PDE2A: variants seen among roughly 807,000 people sequenced by gnomAD.
PDE2A encodes the protein phosphodiesterase 2A.
PDE2A carries 53 observed loss-of-function variants against 133.6 expected under a neutral mutation model. The observed-to-expected ratio is 0.40, with a 90% CI of 0.32 to 0.50. PDE2A has a LOEUF of 0.50. Among genes scored for constraint, PDE2A ranks in the 20% least tolerant of loss-of-function variants. The probability of loss-of-function intolerance (pLI) is 0.73; values close to 1 mark genes in which losing one functional copy is unlikely to be tolerated. For missense variants in PDE2A, 796 were observed against 1,232.4 expected, an observed-to-expected ratio of 0.65 and a Z score of 5.30; for synonymous variants, 491 against 490.2, an observed-to-expected ratio of 1.00 and a Z score of -0.02.
intron 19 of PDE2A, 83 bp downstream of exon 19, chr11:72,584,118 G>T: frequency 1.4e-6 from 1 of 736,346 alleles, no homozygotes. Flanking sequence ...CACAAGGAGA[G>T]TCAGTCGGAG....
intron 2 of PDE2A, chr11:72,630,977 C>A: frequency 1.1e-6 from 1 of 941,206 alleles, no homozygotes; most frequent in Non-Finnish European, 1.7e-6. Flanking sequence ...GTGACTCCAG[C>A]CTCCCCGTCC....
chr11:72,658,810 A>T, intron 1 of PDE2A, among the ~76,000 whole-genome samples: 1 of 151,942 alleles, frequency 6.6e-6, no homozygotes, highest in East Asian at 1.9e-4. Flanking sequence ...ACCAAACCTA[A>T]TCCCTGCCTT....
At chr11:72,640,964 G>C (rs1465763068) in intron 2 of PDE2A, among the ~76,000 whole-genome samples, 1 of 151,928 alleles carries the variant, frequency 6.6e-6, no homozygotes, top group Non-Finnish European at 1.5e-5. Flanking sequence ...TCCCACTCTC[G>C]ATGACACATT....
At chr11:72,639,781 A>T (rs1433454368) in intron 2 of PDE2A, among the ~76,000 whole-genome samples, 1 of 152,146 alleles carries the variant, frequency 6.6e-6, no homozygotes, top group Non-Finnish European at 1.5e-5. Context: ...GGCAAAGGGT[A>T]GGGGCAGCTG....
Position 72,582,666 on chromosome 11 carries a change from T to A in PDE2A, c.1729-100A>T, listed in dbSNP as rs1855776213. On this transcript the variant is annotated intron_variant, in intron 20 of 30. Coordinates refer to ENST00000334456, the MANE Select transcript of PDE2A (RefSeq NM_002599.5). The stretch of plus-strand genomic sequence containing the variant: ...CAGGTGGGGGATCCGTCACCCAGAA[T>A]GTACCACAGTTGGGCCACCACGCTG... The A allele has an allele frequency of 3.3e-6, 4 of 1,230,638 alleles. No individual in the cohort carries two copies. In the South Asian group the frequency reaches 5.8e-5, roughly 18 times the overall value. The allele number at this position is 1,230,638 out of a possible 1,614,324, so 76.2% of individuals were successfully genotyped here.
chr11:72,657,874 G>A, intron 1 of PDE2A: 1 of 456,102 alleles, frequency 2.2e-6, no homozygotes, highest in Non-Finnish European at 4.4e-6. Context: ...TGGTCCAACT[G>A]CAGAGGCAGC....
chr11:72,590,539 G>A lies in PDE2A; in HGVS notation c.591C>T (p.Arg197=), dbSNP rs773672091. 1.4e-6 allele frequency: 2 copies of A among 1,440,706 alleles called. No individual in the cohort carries two copies. Among genetic ancestry groups the A allele is most frequent in the South Asian group, 1.5e-5 (1 of 68,538 alleles). 89.2% of individuals were successfully genotyped at this position (1,440,706 alleles called of 1,614,324 possible). The change falls in exon 8 of 31, where the codon CGC becomes CGT. Residue 197 remains arginine, a synonymous_variant. Coordinates refer to ENST00000334456, the MANE Select transcript of PDE2A (RefSeq NM_002599.5). This position sits in a 1 kb window ranked among gnomAD's most constrained non-coding sequence, Gnocchi z 4.8. ...CGGCTCGGGGAGCCTCCCTGGGCCC[G>A]CGCTGCTGCAGGACCTGCACCCTCC... The part of the protein sequence containing the change: ...ALRRVQVLQQ[R]GPREAPRAVQ...
At position 72,578,896 on chromosome 11, in the gene PDE2A, C is replaced by T; in HGVS notation, c.2469+1G>A. 3 of 1,600,504 alleles carry T rather than the reference C, an allele frequency of 1.9e-6. No homozygotes were observed. The highest frequency in any genetic ancestry group is 2.6e-6 in the Non-Finnish European group (3 of 1,167,720). On this transcript the variant is annotated splice_donor_variant, in intron 28 of 30. Transcript: ENST00000334456. LOFTEE classifies it high-confidence loss of function. The surrounding 1 kb of genome is among the most constrained non-coding windows in gnomAD (Gnocchi z 4.2). ...GCCTTCCCAGGGAGGACTACACCTACCGCGATCTTTCTCGTAGTCTTCCAG... is the reference window on the plus strand; with the variant it reads ...GCCTTCCCAGGGAGGACTACACCTATCGCGATCTTTCTCGTAGTCTTCCAG...
intron 1 of PDE2A, among the ~76,000 whole-genome samples, chr11:72,648,072 G>A (rs188329458): frequency 9.9e-5 from 15 of 152,186 alleles, no homozygotes; most frequent in Non-Finnish European, 1.9e-4. Flanking sequence ...GTGCTTTCAC[G>A]TGTGAATGTG....
chr11:72,622,917 G>C (rs1040023035), intron 2 of PDE2A, among the ~76,000 whole-genome samples: 3 of 152,318 alleles, frequency 2.0e-5, no homozygotes, highest in African/African-American at 7.2e-5. Flanking sequence ...TAGGGGGCAA[G>C]AGAGGAAGAA....
chr11:72,658,724 C>A (rs1301091118), intron 1 of PDE2A, among the ~76,000 whole-genome samples: 7 of 152,164 alleles, frequency 4.6e-5, no homozygotes. Context: ...CGCAGTCACA[C>A]AACAAAGCAT....
chr11:72,588,894 C>A lies in PDE2A; in HGVS notation c.960G>T (p.Gln320His). The change falls in exon 13 of 31, where the codon CAG (glutamine) becomes CAT (histidine). Residue 320 changes from glutamine (Q) to histidine (H), a missense_variant. Coordinates refer to ENST00000334456, the MANE Select transcript of PDE2A (RefSeq NM_002599.5). ...CCTGCAGCTCACAGCCCAACATGCT[C>A]TGCAGCTGTTGTACATCCTCCTGCA... Reference protein sequence around the residue: ...DLTSEDVQQLQSMLGCELQAM... With the variant: ...DLTSEDVQQLHSMLGCELQAM... The A allele has an allele frequency of 6.2e-7, 1 of 1,607,282 alleles. No individual in the cohort carries two copies. Among genetic ancestry groups the A allele is most frequent in the Non-Finnish European group, 8.5e-7 (1 of 1,175,064 alleles).
intron 17 of PDE2A, 50 bp downstream of exon 17, chr11:72,584,822 C>T (rs1378523987): frequency 6.2e-7 from 1 of 1,608,832 alleles, no homozygotes; most frequent in African/African-American, 1.3e-5. Flanking sequence ...GCGCCGCCGG[C>T]GGACTCCCGG....
chr11:72,608,521 A>T (rs563438766), intron 3 of PDE2A, 141 bp downstream of exon 3: 43 of 587,286 alleles, frequency 7.3e-5, no homozygotes, highest in African/African-American at 5.9e-4. Flanking sequence ...ACCCATCCAG[A>T]CCCTTCACTT....
intron 1 of PDE2A, among the ~76,000 whole-genome samples, chr11:72,652,888 C>G (rs114724608): frequency 8.5e-5 from 13 of 152,308 alleles, no homozygotes; most frequent in African/African-American, 2.4e-4. Context: ...GCCCAGCAGT[C>G]CCCCCAGCTC....
Position 72,582,431 on chromosome 11 carries a change from G to A in PDE2A, c.1851+13C>T, listed in dbSNP as rs1469090007. 2 of 1,613,004 alleles carry A rather than the reference G, an allele frequency of 1.2e-6. No homozygotes were observed. The highest frequency in any genetic ancestry group is 2.2e-5 in the East Asian group (1 of 44,884). On this transcript the variant is annotated intron_variant, in intron 21 of 30. Transcript: ENST00000334456. ...CTTCGGCCTGGCCAGTCAAGTGGAG[G>A]AGAGCAACTCACCATGGACGTGTCA...
intron 13 of PDE2A, 61 bp downstream of exon 13, chr11:72,588,723 T>C (rs879120696): frequency 3.9e-6 from 6 of 1,525,546 alleles, no homozygotes; most frequent in Non-Finnish European, 5.3e-6. Context: ...GTTACCCTCG[T>C]GGAGCCCTAG....
intron 11 of PDE2A, 134 bp from the exon 12 acceptor site, chr11:72,589,374 G>A: frequency 1.4e-6 from 1 of 693,290 alleles, no homozygotes; most frequent in South Asian, 1.7e-5. Flanking sequence ...GGTCAGCATT[G>A]ATGAGCAGAG....
chr11:72,577,267 C>A lies in PDE2A; in HGVS notation c.*117G>T. 1.4e-6 allele frequency: 1 copy of A among 700,234 alleles called. No individual in the cohort carries two copies. Among genetic ancestry groups the A allele is most frequent in the South Asian group, 1.8e-5 (1 of 55,324 alleles). 43.4% of individuals were successfully genotyped at this position (700,234 alleles called of 1,614,324 possible). On this transcript the variant is annotated 3_prime_UTR_variant, in exon 31 of 31. Coordinates refer to ENST00000334456, the MANE Select transcript of PDE2A (RefSeq NM_002599.5). Reference sequence around the variant, plus strand: ...CAGGAAGGTAGTACTTGTCCAGGGTCACACAGGAAGTCCTGGTCTAGGACC... The same window carrying A: ...CAGGAAGGTAGTACTTGTCCAGGGTAACACAGGAAGTCCTGGTCTAGGACC...
Sources: allele counts gnomAD v4.1 joint callset (sites outside exome capture counted in the v4.1 genomes callset), GRCh38; gene constraint gnomAD v4.1.1; non-coding constraint Gnocchi (gnomAD v3.1); transcripts MANE v1.5; gene names NCBI Gene and HGNC (gene_info 2026-07-23, HGNC 2026-07-21).